GLI2: variants seen among roughly 807,000 people sequenced by gnomAD.
GLI2 encodes the protein transcription activator GLI2.
Under a neutral mutation model 78.9 loss-of-function variants are expected in GLI2, and 22 were observed. The ratio of observed to expected loss-of-function variants is 0.28; its 90% CI spans 0.20 to 0.40. The LOEUF is 0.40. Among genes scored for constraint, GLI2 ranks in the 10% least tolerant of loss-of-function variants. GLI2 has a pLI of 1.00. For synonymous variants in GLI2, 974 were observed against 963.7 expected (o/e 1.01, Z -0.20); for missense variants, 2,097 against 2,213.2 (o/e 0.95, Z 1.05).
Position 120,986,435 on chromosome 2 carries a change from A to G in GLI2, c.2063A>G (p.Asp688Gly). 6.2e-7 allele frequency: 1 copy of G among 1,613,858 alleles called. No individual in the cohort carries two copies. Among genetic ancestry groups the G allele is most frequent in the Non-Finnish European group, 8.5e-7 (1 of 1,180,006 alleles). The change falls in exon 13 of 14, where the codon GAC (aspartate) becomes GGC (glycine). Residue 688 changes from aspartate (D) to glycine (G), a missense_variant. Physicochemically the swap from Asp to Gly is moderately conservative, Grantham distance 94. Around this residue, in one of 5 missense-constraint regions of GLI2, gnomAD observed 1,290 missense variants for 1,261.7 expected, o/e 1.02. Coordinates refer to ENST00000361492, the MANE Select transcript of GLI2 (RefSeq NM_001374353.1). ...CTGGATGACACACCCCCAGGGGCCG[A>G]CACCTCAGCCCTGGCTGCCCCCTCC... ...TALDDTPPGA[D>G]TSALAAPSAG... is the part of the protein sequence containing the mutation.
At chr2:120,971,089 C>T (rs1284110789) in intron 7 of GLI2, among the ~76,000 whole-genome samples, 1 of 152,206 alleles carries the variant, frequency 6.6e-6, no homozygotes, top group East Asian at 1.9e-4. Flanking sequence ...TGTTCTTTTA[C>T]AATAAGGACA....
At chr2:120,780,501 C>T (rs952905232) in intron 1 of GLI2, among the ~76,000 whole-genome samples, 2 of 152,174 alleles carry the variant, frequency 1.3e-5, no homozygotes, top group East Asian at 1.9e-4. Flanking sequence ...GGGAGTTTTT[C>T]CAGCAGCGTG....
intron 2 of GLI2, among the ~76,000 whole-genome samples, chr2:120,808,097 G>T (rs993249154): frequency 6.6e-6 from 1 of 152,180 alleles, no homozygotes; most frequent in African/African-American, 2.4e-5. Flanking sequence ...GGCCTCATCC[G>T]CCGTCTGACT....
At chr2:120,863,021 A>G (rs1301736268) in intron 2 of GLI2, among the ~76,000 whole-genome samples, 4 of 152,168 alleles carry the variant, frequency 2.6e-5, no homozygotes, top group African/African-American at 7.2e-5. Context: ...GTTTTCATCC[A>G]TGTTAACAAC....
At chr2:120,818,112 G>T (rs1465341669) in intron 2 of GLI2, among the ~76,000 whole-genome samples, 1 of 152,194 alleles carries the variant, frequency 6.6e-6, no homozygotes, top group Non-Finnish European at 1.5e-5. Flanking sequence ...TCTGGTTGAG[G>T]TTCACAGCTG....
intron 2 of GLI2, among the ~76,000 whole-genome samples, chr2:120,904,182 C>A (rs1055524673): frequency 2.0e-5 from 3 of 152,160 alleles, no homozygotes; most frequent in Admixed American, 2.0e-4. Flanking sequence ...CTGGAACATT[C>A]TAGGCCCTTC....
intron 1 of GLI2, among the ~76,000 whole-genome samples, chr2:120,746,816 A>G (rs994427347): frequency 6.6e-6 from 1 of 151,958 alleles, no homozygotes; most frequent in Non-Finnish European, 1.5e-5. Flanking sequence ...TTAATATAAA[A>G]TTTTTTTTGC....
At chr2:120,770,425 G>T (rs1683489786) in intron 1 of GLI2, among the ~76,000 whole-genome samples, 1 of 152,200 alleles carries the variant, frequency 6.6e-6, no homozygotes, top group Non-Finnish European at 1.5e-5. Flanking sequence ...CACTGAGGGT[G>T]GGAGCAGTGT....
intron 2 of GLI2, among the ~76,000 whole-genome samples, chr2:120,824,838 G>A (rs1287897639): frequency 6.6e-6 from 1 of 152,278 alleles, no homozygotes; most frequent in East Asian, 1.9e-4. Context: ...TGTTGTTGTT[G>A]TTGTTGTTTT....
chr2:120,818,818 A>G lies in GLI2; in HGVS notation c.148+21350A>G, dbSNP rs73949921. On this transcript the variant is annotated intron_variant, in intron 2 of 13. Transcript: ENST00000361492. ...AAGGCCTACTGGTTAGCATGTTACC[A>G]GGGCCACCCGGCTAGTAAGTGGTTT... 7.7e-3 allele frequency among the ~76,000 whole-genome samples: 1,169 copies of G among 152,310 alleles called. 16 individuals carry two copies. The highest frequency in any genetic ancestry group is 0.027 in the African/African-American group (1,118 of 41,564).
intron 3 of GLI2, among the ~76,000 whole-genome samples, chr2:120,947,827 C>A (rs183574392): frequency 1.1e-3 from 169 of 152,324 alleles, no homozygotes; most frequent in African/African-American, 3.8e-3. Context: ...CACCTTGCTG[C>A]ATCCCGAGAG....
rs1683196252 is a variant in GLI2 at position 120,989,774 on chromosome 2, A to T, written c.3809A>T (p.Glu1270Val). The T allele has an allele frequency of 6.2e-7, 1 of 1,611,726 alleles. No individual in the cohort carries two copies. The highest frequency in any genetic ancestry group is 8.5e-7 in the Non-Finnish European group (1 of 1,179,180). ...CATCTGGGGCACCCTCAGCAGACAGAAGTGGCACCTGACCCCACCACGATG... is the reference window on the plus strand; with the variant it reads ...CATCTGGGGCACCCTCAGCAGACAGTAGTGGCACCTGACCCCACCACGATG... Reference protein sequence around the residue: ...PGHLGHPQQTEVAPDPTTMGN... With the variant: ...PGHLGHPQQTVVAPDPTTMGN... The change falls in exon 14 of 14, where the codon GAA (glutamate) becomes GTA (valine). Residue 1270 changes from glutamate (E) to valine (V), a missense_variant. By Grantham distance (121) the Glu-to-Val change is moderately radical. Coordinates refer to ENST00000361492, the MANE Select transcript of GLI2 (RefSeq NM_001374353.1).
intron 1 of GLI2, among the ~76,000 whole-genome samples, chr2:120,789,033 CTTT>C (rs35017068): frequency 2.3e-3 from 290 of 126,616 alleles, no homozygotes; most frequent in African/African-American, 8.4e-3. Context: ...TTCTTTCTTT[CTTT>C]TTTTTTTTTT....
At chr2:120,877,800 A>G (rs888037785) in intron 2 of GLI2, among the ~76,000 whole-genome samples, 11 of 152,018 alleles carry the variant, frequency 7.2e-5, no homozygotes, top group Non-Finnish European at 1.6e-4. Flanking sequence ...GTTGTTTCCA[A>G]TTTGGGGCTA....
At chr2:120,971,257 A>G (rs905880875) in intron 7 of GLI2, among the ~76,000 whole-genome samples, 2 of 152,164 alleles carry the variant, frequency 1.3e-5, no homozygotes, top group Admixed American at 6.5e-5. Flanking sequence ...AAACAAGCTC[A>G]TGTGTGCAGA....
chr2:120,970,333 G>A, intron 6 of GLI2, 60 bp from the exon 7 acceptor site: 2 of 903,816 alleles, frequency 2.2e-6, no homozygotes, highest in South Asian at 2.7e-5. Flanking sequence ...TCCAGGAAGT[G>A]TCAGCCTAAG....
In GLI2 at chr2:120,989,927, A is replaced by G. The variant is rs774148686; in HGVS notation, c.3962A>G (p.His1321Arg). 6.2e-7 allele frequency: 1 copy of G among 1,612,170 alleles called. No individual in the cohort carries two copies. The highest frequency in any genetic ancestry group is 1.1e-5 in the South Asian group (1 of 90,928). ...GCCTCCATGAGCCAGGAGGGCTACC[A>G]CCAGGTCCCCAGCCTTCTGCCTGCC... is the stretch of plus-strand genomic sequence containing the variant. ...LAASMSQEGY[H>R]QVPSLLPARQ... Residue 1321 changes from histidine to arginine, a missense_variant, in exon 14 of 14, where the codon CAC becomes CGC. This residue lies in a region of GLI2 where 1,290 missense variants were observed against 1,261.7 expected (regional missense o/e 1.02). Transcript: ENST00000361492.
At chr2:120,813,740 G>A (rs1055192621) in intron 2 of GLI2, among the ~76,000 whole-genome samples, 53 of 152,164 alleles carry the variant, frequency 3.5e-4, no homozygotes, top group African/African-American at 1.2e-3. Context: ...AGACAAGTAG[G>A]GAAGATGGTG....
chr2:120,916,088 G>A (rs963380164), intron 2 of GLI2, among the ~76,000 whole-genome samples: 3 of 152,234 alleles, frequency 2.0e-5, no homozygotes, highest in Non-Finnish European at 2.9e-5. Flanking sequence ...GGTCCCTGGA[G>A]CAGCAGCATC....
Sources: allele counts gnomAD v4.1 joint callset (sites outside exome capture counted in the v4.1 genomes callset), GRCh38; gene constraint gnomAD v4.1.1; regional missense constraint gnomAD v4.1.1; transcripts MANE v1.5; gene names NCBI Gene and HGNC (gene_info 2026-07-23, HGNC 2026-07-21).